Variants in IGDCC3 observed in about 807,000 individuals in gnomAD.
IGDCC3 encodes immunoglobulin superfamily DCC subclass member 3.
A neutral mutation model predicts 72.0 loss-of-function variants in IGDCC3; 47 were observed. The observed-to-expected ratio is 0.65, with a 90% CI of 0.52 to 0.83. The LOEUF is 0.83. IGDCC3 is among the 40% of genes least tolerant of loss of function. IGDCC3 has a pLI of 0.00. For missense variants in IGDCC3, 1,038 were observed against 1,091.3 expected, an observed-to-expected ratio of 0.95 and a Z score of 0.69; for synonymous variants, 477 against 472.8, an observed-to-expected ratio of 1.01 and a Z score of -0.11.
In IGDCC3 at chr15:65,333,407, G is replaced by C; in HGVS notation, c.832C>G (p.Pro278Ala). 6.2e-7 allele frequency: 1 copy of C among 1,602,682 alleles called. No homozygotes were observed. The highest frequency in any genetic ancestry group is 1.3e-5 in the African/African-American group (1 of 74,572). The change falls in exon 6 of 14, where the codon CCT (proline) becomes GCT (alanine). Residue 278 changes from proline (P) to alanine (A), a missense_variant. By Grantham distance (27) the Pro-to-Ala change is conservative (BLOSUM62 -1). Coordinates refer to ENST00000327987, the MANE Select transcript of IGDCC3 (RefSeq NM_004884.4). ...IVSWSRLDGR[P>A]IGVEGIQVLG... ...ACCTGGATGCCCTCCACCCCGATAGGGCGACCATCTGCAGAGGAAGGGGAG... is the reference window on the plus strand; with the variant it reads ...ACCTGGATGCCCTCCACCCCGATAGCGCGACCATCTGCAGAGGAAGGGGAG...
intron 2 of IGDCC3, among the ~76,000 whole-genome samples, chr15:65,340,765 A>G (rs928612962): frequency 6.6e-6 from 1 of 152,148 alleles, no homozygotes; most frequent in South Asian, 2.1e-4. Context: ...GACTCACTCT[A>G]TCACCTAGGC....
In IGDCC3 at chr15:65,333,402, G is replaced by A. The variant is rs141417417; in HGVS notation, c.837C>T (p.Ile279=). The change falls in exon 6 of 14, where the codon ATC becomes ATT. Residue 279 remains isoleucine, a synonymous_variant. Coordinates refer to ENST00000327987, the MANE Select transcript of IGDCC3 (RefSeq NM_004884.4). ...CCAGCACCTGGATGCCCTCCACCCCGATAGGGCGACCATCTGCAGAGGAAG... is the reference window on the plus strand; with the variant it reads ...CCAGCACCTGGATGCCCTCCACCCCAATAGGGCGACCATCTGCAGAGGAAG... ...VSWSRLDGRP[I]GVEGIQVLGT... 3.9e-3 allele frequency: 6,259 copies of A among 1,604,158 alleles called. 49 individuals carry two copies. Among genetic ancestry groups the A allele is most frequent in the Admixed American group, 0.015 (872 of 58,734 alleles).
At chr15:65,353,950 G>C (rs1008205242) in intron 2 of IGDCC3, among the ~76,000 whole-genome samples, 1 of 152,004 alleles carries the variant, frequency 6.6e-6, no homozygotes, top group East Asian at 1.9e-4. Flanking sequence ...TCATCACCCA[G>C]GCTGGAGTGC....
chr15:65,331,253 T>TG, intron 8 of IGDCC3, 39 bp from the exon 9 acceptor site: 1 of 1,605,854 alleles, frequency 6.2e-7, no homozygotes. Context: ...TGTGAAGGAC[T>TG]GGGGGAGTCC....
chr15:65,361,077 G>A (rs1316373361), intron 2 of IGDCC3, among the ~76,000 whole-genome samples: 3 of 151,972 alleles, frequency 2.0e-5, no homozygotes, highest in African/African-American at 4.8e-5. Flanking sequence ...GTGCCTAGCC[G>A]ACCTGGCCCA....
chr15:65,335,035 GC>G lies in IGDCC3; in HGVS notation c.686-171del, dbSNP rs2091014759. Among the ~76,000 whole-genome samples the G allele has an allele frequency of 3.9e-5, 6 of 152,304 alleles. No individual in the cohort carries two copies. In the South Asian group the frequency reaches 1.2e-3, roughly 32 times the overall value. On this transcript the variant is annotated intron_variant, in intron 4 of 13. Coordinates refer to ENST00000327987, the MANE Select transcript of IGDCC3 (RefSeq NM_004884.4). ...GGACGTTCCAGACATCCGTCCCTCT[GC>G]TGCGGGCTCTGCAGGGCTGCCAGCA... is the stretch of plus-strand genomic sequence containing the variant.
intron 2 of IGDCC3, among the ~76,000 whole-genome samples, chr15:65,345,200 CA>C (rs1318507766): frequency 6.6e-6 from 1 of 152,164 alleles, no homozygotes; most frequent in Non-Finnish European, 1.5e-5. Context: ...ACCCCAGGAG[CA>C]AACTCCCTCC....
chr15:65,357,494 ACC>A (rs1403972165), intron 2 of IGDCC3, among the ~76,000 whole-genome samples: 1 of 152,164 alleles, frequency 6.6e-6, no homozygotes, highest in Non-Finnish European at 1.5e-5. Flanking sequence ...CCATAGCCAA[ACC>A]CTTGCATAGA....
intron 2 of IGDCC3, among the ~76,000 whole-genome samples, chr15:65,354,760 A>G (rs924575874): frequency 6.6e-6 from 1 of 152,172 alleles, no homozygotes; most frequent in Non-Finnish European, 1.5e-5. Flanking sequence ...CCACAATTCA[A>G]TGGCTCTCCT....
At chr15:65,370,534 ATATT>A (rs1454776885) in intron 2 of IGDCC3, among the ~76,000 whole-genome samples, 140 of 135,998 alleles carry the variant, frequency 1.0e-3, no homozygotes, top group African/African-American at 3.6e-3. Flanking sequence ...ATATATATAT[ATATT>A]TATATATATA....
At chr15:65,332,806 G>A (rs891460924) in intron 6 of IGDCC3, among the ~76,000 whole-genome samples, 5 of 152,236 alleles carry the variant, frequency 3.3e-5, no homozygotes, top group African/African-American at 1.2e-4. Context: ...CCCACGGGAG[G>A]GGAGGCAGCT....
At chr15:65,337,614 CTG>C (rs2091042859) in intron 2 of IGDCC3, among the ~76,000 whole-genome samples, 1 of 152,100 alleles carries the variant, frequency 6.6e-6, no homozygotes, top group Admixed American at 6.5e-5. Flanking sequence ...AGGCCAAAGG[CTG>C]TGTTTGGCCA....
rs2091326071 is a variant in IGDCC3, at chr15:65,371,590, T to C, written c.409+3507A>G. On this transcript the variant is annotated intron_variant, in intron 2 of 13. Coordinates refer to ENST00000327987, the MANE Select transcript of IGDCC3 (RefSeq NM_004884.4). ...TTATGAATTCAAAATCTCAATGTTA[T>C]CAAGATTCCCAGGTGATTCACAGGC... 2.6e-5 allele frequency among the ~76,000 whole-genome samples: 4 copies of C among 152,192 alleles called. No homozygotes were observed. The South Asian group carries it at 8.3e-4, about 31-fold the overall frequency.
chr15:65,356,121 C>G lies in IGDCC3; in HGVS notation c.409+18976G>C, dbSNP rs961420366. The G allele has an allele frequency of 1.4e-5, 3 of 208,142 alleles. No individual in the cohort carries two copies. The South Asian group carries it at 1.6e-4, about 11-fold the overall frequency. 12.9% of individuals were successfully genotyped at this position (208,142 alleles called of 1,614,324 possible). A position where few individuals can be genotyped will look rare whatever the true frequency, so the allele number is the denominator to read the frequency against. On this transcript the variant is annotated intron_variant, in intron 2 of 13. Coordinates refer to ENST00000327987, the MANE Select transcript of IGDCC3 (RefSeq NM_004884.4). ...CTTAATTCAGGAAAAACGGGCACGG[C>G]TCTGCATTCAAAGACCTAATCCCAT...
chr15:65,330,666 C>CG lies in IGDCC3; in HGVS notation c.1636dup (p.Arg546ProfsTer46). The CG allele has an allele frequency of 1.2e-6, 2 of 1,613,492 alleles. No individual in the cohort carries two copies. Among genetic ancestry groups the CG allele is most frequent in the Non-Finnish European group, 1.7e-6 (2 of 1,179,744 alleles). The stretch of plus-strand genomic sequence containing the variant: ...GAAGCCGCCCTCGTGCTGGGCCAGC[C>CG]GGGGCCAAGGCTCCCACAGCAGCTG... On this transcript the variant is annotated frameshift_variant, in exon 10 of 14. Transcript: ENST00000327987. LOFTEE classifies it high-confidence loss of function.
Position 65,329,742 on chromosome 15 carries a change from A to T in IGDCC3, c.1981T>A (p.Phe661Ile). 6.2e-7 allele frequency: 1 copy of T among 1,614,130 alleles called. No homozygotes were observed. The highest frequency in any genetic ancestry group is 8.5e-7 in the Non-Finnish European group (1 of 1,180,018). Residue 661 changes from phenylalanine (F) to isoleucine (I), a missense_variant, in exon 12 of 14, where the codon TTC becomes ATC. Transcript: ENST00000327987. This position sits in a 1 kb window ranked among gnomAD's most constrained non-coding sequence, Gnocchi z 4.1. ...AGGACCCACCTGCCCCTTTGGCCGAACAGGAGGAAGAGGACACAGAAGATG... is the reference window on the plus strand; with the variant it reads ...AGGACCCACCTGCCCCTTTGGCCGATCAGGAGGAAGAGGACACAGAAGATG... ...CIIFCVLFLL[F>I]GQRGRVLLCK...
chr15:65,356,845 C>T (rs1251491336), intron 2 of IGDCC3, among the ~76,000 whole-genome samples: 1 of 68,082 alleles, frequency 1.5e-5, no homozygotes, highest in Non-Finnish European at 2.9e-5. Context: ...GAGAATGGAC[C>T]TGCTTTTTTT....
At chr15:65,338,336 A>G (rs1348212948) in intron 2 of IGDCC3, among the ~76,000 whole-genome samples, 1 of 152,208 alleles carries the variant, frequency 6.6e-6, no homozygotes, top group Admixed American at 6.5e-5. Context: ...TTTAAGAGTA[A>G]TTGAAAACCA....
chr15:65,356,016 C>G (rs1361158039), intron 2 of IGDCC3: 1 of 275,470 alleles, frequency 3.6e-6, no homozygotes, highest in African/African-American at 2.3e-5. Context: ...GACTCGCCCT[C>G]GTCCCTCCCT....
Sources: allele counts gnomAD v4.1 joint callset (sites outside exome capture counted in the v4.1 genomes callset), GRCh38; gene constraint gnomAD v4.1.1; non-coding constraint Gnocchi (gnomAD v3.1); transcripts MANE v1.5; gene names NCBI Gene and HGNC (gene_info 2026-07-23, HGNC 2026-07-21).